Variants in VSTM2L observed in about 807,000 individuals in gnomAD.
The protein encoded by VSTM2L is V-set and transmembrane domain containing 2 like.
VSTM2L carries 9 observed loss-of-function variants against 19.9 expected under a neutral mutation model. The observed-to-expected ratio is 0.45, with a 90% CI of 0.27 to 0.79. The LOEUF (loss-of-function observed/expected upper bound fraction) is 0.79, where lower values mean the gene tolerates loss of function less well. VSTM2L is among the 30% of genes least tolerant of loss of function. VSTM2L has a pLI of 0.15. For missense variants in VSTM2L, 286 were observed against 295.5 expected, an observed-to-expected ratio of 0.97 and a Z score of 0.24; for synonymous variants, 127 against 133.8, an observed-to-expected ratio of 0.95 and a Z score of 0.35.
chr20:37,923,523 C>A (rs73096431), intron 1 of VSTM2L, among the ~76,000 whole-genome samples: 1 of 152,222 alleles, frequency 6.6e-6, no homozygotes, highest in Non-Finnish European at 1.5e-5. Flanking sequence ...GTCTTCCCAG[C>A]GAGCCCAGCC....
At chr20:37,908,190 C>T (rs1188815098) in intron 1 of VSTM2L, among the ~76,000 whole-genome samples, 1 of 152,192 alleles carries the variant, frequency 6.6e-6, no homozygotes, top group Non-Finnish European at 1.5e-5. Flanking sequence ...CAGCCTTTTC[C>T]CCAAACAAGA....
intron 1 of VSTM2L, among the ~76,000 whole-genome samples, chr20:37,927,058 G>A (rs376203741): frequency 6.6e-6 from 1 of 152,170 alleles, no homozygotes; most frequent in Non-Finnish European, 1.5e-5. Flanking sequence ...TCCTCCTCCC[G>A]GGTTCAAGTG....
intron 1 of VSTM2L, among the ~76,000 whole-genome samples, chr20:37,920,901 GATT>G (rs2072846716): frequency 2.2e-5 from 3 of 134,486 alleles, no homozygotes; most frequent in South Asian, 2.6e-4. Flanking sequence ...TCCCTTGATT[GATT>G]GATTGATTGA....
intron 1 of VSTM2L, among the ~76,000 whole-genome samples, chr20:37,923,168 A>C (rs1346191680): frequency 6.6e-6 from 1 of 152,200 alleles, no homozygotes; most frequent in Non-Finnish European, 1.5e-5. Flanking sequence ...CAGGTCACAC[A>C]GCTAGGGAGT....
At chr20:37,904,846 C>A (rs886130007) in intron 1 of VSTM2L, among the ~76,000 whole-genome samples, 4 of 152,164 alleles carry the variant, frequency 2.6e-5, no homozygotes, top group Non-Finnish European at 5.9e-5. Flanking sequence ...TTTTTGGGAA[C>A]CATGACTCCC....
chr20:37,907,901 T>G (rs993674585), intron 1 of VSTM2L, among the ~76,000 whole-genome samples: 14 of 152,224 alleles, frequency 9.2e-5, no homozygotes, highest in Non-Finnish European at 1.8e-4. Flanking sequence ...CTTCCTCGCA[T>G]TCCTTACTGA....
intron 1 of VSTM2L, among the ~76,000 whole-genome samples, chr20:37,927,615 A>G (rs906409121): frequency 2.0e-5 from 3 of 152,118 alleles, no homozygotes; most frequent in Admixed American, 2.0e-4. Context: ...GAGTTACCCT[A>G]TACTAGCCCC....
At chr20:37,926,859 A>C (rs2072881986) in intron 1 of VSTM2L, among the ~76,000 whole-genome samples, 1 of 152,206 alleles carries the variant, frequency 6.6e-6, no homozygotes, top group African/African-American at 2.4e-5. Flanking sequence ...TGTCAAACAC[A>C]TGTGGCCACT....
At chr20:37,933,772 A>G (rs1007415517) in intron 3 of VSTM2L, among the ~76,000 whole-genome samples, 183 bp downstream of exon 3, 5 of 152,232 alleles carry the variant, frequency 3.3e-5, no homozygotes, top group Admixed American at 1.3e-4. Context: ...AGTTCATTCA[A>G]TGATGGGCAC....
At chr20:37,916,808 G>A (rs1354881000) in intron 1 of VSTM2L, among the ~76,000 whole-genome samples, 2 of 152,226 alleles carry the variant, frequency 1.3e-5, no homozygotes, top group Admixed American at 6.5e-5. Flanking sequence ...TATGCTAGAT[G>A]AAGGAAGCCA....
intron 1 of VSTM2L, among the ~76,000 whole-genome samples, chr20:37,924,676 T>TCAG (rs35987672): frequency 0.21 from 31,868 of 151,638 alleles, 3,503 homozygotes; most frequent in Middle Eastern, 0.33. Context: ...ATCATCATAA[T>TCAG]CAGCAGCAGC....
chr20:37,932,455 G>T (rs947953271), intron 2 of VSTM2L, among the ~76,000 whole-genome samples: 2 of 152,060 alleles, frequency 1.3e-5, no homozygotes, highest in Non-Finnish European at 2.9e-5. Flanking sequence ...ATCAAGGCAA[G>T]CAGGAGGAGC....
intron 1 of VSTM2L, among the ~76,000 whole-genome samples, chr20:37,903,821 C>T (rs1297606618): frequency 6.6e-6 from 1 of 152,240 alleles, no homozygotes; most frequent in Non-Finnish European, 1.5e-5. Flanking sequence ...CTCCTCACTG[C>T]AAGCCTTTAC....
intron 1 of VSTM2L, among the ~76,000 whole-genome samples, chr20:37,925,981 G>C (rs866406439): frequency 1.3e-5 from 2 of 152,216 alleles, no homozygotes; most frequent in African/African-American, 4.8e-5. Context: ...TGCCTGCCCA[G>C]GCCTTTGCAC....
At chr20:37,937,332 T>C (rs975049160) in intron 3 of VSTM2L, among the ~76,000 whole-genome samples, 16 of 152,170 alleles carry the variant, frequency 1.1e-4, no homozygotes, top group Non-Finnish European at 5.9e-5. Context: ...CTCGTTTAAC[T>C]TGGGCCCAGG....
At chr20:37,920,927 T>C (rs906768941) in intron 1 of VSTM2L, among the ~76,000 whole-genome samples, 1 of 152,188 alleles carries the variant, frequency 6.6e-6, no homozygotes, top group Non-Finnish European at 1.5e-5. Context: ...GATTCATTCA[T>C]TCATTCATTC....
chr20:37,925,119 G>C (rs753617180), intron 1 of VSTM2L, among the ~76,000 whole-genome samples: 5 of 151,832 alleles, frequency 3.3e-5, no homozygotes, highest in Admixed American at 3.3e-4. Flanking sequence ...GAAAGGAAAT[G>C]GATTTTTTTT....
chr20:37,916,563 C>T lies in VSTM2L; in HGVS notation c.121+13092C>T, dbSNP rs1285587364. On this transcript the variant is annotated intron_variant, in intron 1 of 3. Coordinates refer to ENST00000373461, the MANE Select transcript of VSTM2L (RefSeq NM_080607.3). The stretch of plus-strand genomic sequence containing the variant: ...GGGAGGCGCCCTGCTTCCAGCTTGC[C>T]GGCTCCAGCACTTCCTGCTCAGCTA... 4.6e-5 allele frequency among the ~76,000 whole-genome samples: 7 copies of T among 152,238 alleles called. No individual in the cohort carries two copies. In the South Asian group the frequency reaches 6.2e-4, roughly 14 times the overall value.
intron 1 of VSTM2L, among the ~76,000 whole-genome samples, chr20:37,909,419 T>A (rs2072767783): frequency 6.6e-6 from 1 of 152,128 alleles, no homozygotes. Flanking sequence ...GATTCCCTTG[T>A]GTCCTGGGAC....
Sources: allele counts gnomAD v4.1 joint callset (sites outside exome capture counted in the v4.1 genomes callset), GRCh38; gene constraint gnomAD v4.1.1; transcripts MANE v1.5; gene names NCBI Gene and HGNC (gene_info 2026-07-23, HGNC 2026-07-21).